Variants in LRRC74A observed in about 807,000 individuals in gnomAD.
LRRC74A encodes the protein leucine rich repeat containing 74A, also known as leucine-rich repeat-containing protein 74A.
In LRRC74A, 44 loss-of-function variants were observed where a neutral mutation model predicts 57.9. The observed-to-expected ratio is 0.76, with a 90% CI of 0.60 to 0.98. The LOEUF (loss-of-function observed/expected upper bound fraction) is 0.98. LRRC74A is among the 50% of genes least tolerant of loss of function. The probability of loss-of-function intolerance (pLI) is 0.00; values close to 1 mark genes in which losing one functional copy is unlikely to be tolerated. For missense variants in LRRC74A, 572 were observed against 574.0 expected (o/e 1.00, Z 0.04); for synonymous variants, 211 against 219.4 (o/e 0.96, Z 0.34).
At chr14:76,860,585 G>C in intron 10 of LRRC74A, 108 bp from the exon 11 acceptor site, 1 of 1,156,650 alleles carries the variant, frequency 8.6e-7, no homozygotes, top group Non-Finnish European at 1.2e-6. Context: ...AACTGGAAGA[G>C]ACAAAACTTC....
chr14:76,838,676 A>G (rs759176761), intron 5 of LRRC74A, among the ~76,000 whole-genome samples: 3 of 152,248 alleles, frequency 2.0e-5, no homozygotes, highest in Admixed American at 6.5e-5. Flanking sequence ...AAAAGAATCC[A>G]CACTTGATTA....
At chr14:76,867,222 G>T in intron 12 of LRRC74A, 134 bp from the exon 13 acceptor site, 3 of 394,218 alleles carry the variant, frequency 7.6e-6, no homozygotes, top group South Asian at 4.0e-5. Flanking sequence ...GTGTGTGTGT[G>T]TGGTAGTGTG....
intron 11 of LRRC74A, 94 bp downstream of exon 11, chr14:76,860,933 A>C: frequency 8.2e-7 from 1 of 1,213,306 alleles, no homozygotes. Flanking sequence ...CCCTCCCCAC[A>C]GTGTCTGTAC....
intron 3 of LRRC74A, 68 bp downstream of exon 3, chr14:76,831,443 G>A: frequency 1.3e-6 from 2 of 1,537,976 alleles, no homozygotes; most frequent in Non-Finnish European, 1.8e-6. Flanking sequence ...GTAGGCCCAA[G>A]ATTCAGAGGG....
intron 3 of LRRC74A, among the ~76,000 whole-genome samples, chr14:76,834,588 T>G (rs1309568071): frequency 1.3e-5 from 2 of 152,176 alleles, no homozygotes; most frequent in African/African-American, 4.8e-5. Flanking sequence ...TACCCTTGCA[T>G]GTGGGGGCAG....
At chr14:76,828,490 G>A in intron 2 of LRRC74A, 71 bp downstream of exon 2, 1 of 1,602,668 alleles carries the variant, frequency 6.2e-7, no homozygotes, top group Non-Finnish European at 8.5e-7. Context: ...GTTTCCAGGA[G>A]CTGTCATCTC....
intron 5 of LRRC74A, among the ~76,000 whole-genome samples, chr14:76,838,601 A>G (rs929472863): frequency 2.0e-5 from 3 of 152,234 alleles, no homozygotes; most frequent in Non-Finnish European, 2.9e-5. Flanking sequence ...AACAGCTAAC[A>G]TGTTCCCTGA....
chr14:76,852,605 A>G (rs954426515), intron 8 of LRRC74A, among the ~76,000 whole-genome samples, 155 bp downstream of exon 8: 43 of 146,558 alleles, frequency 2.9e-4, no homozygotes, highest in Non-Finnish European at 5.6e-4. Flanking sequence ...TCCCTCCCAC[A>G]ATTCCTGGAT....
In LRRC74A at chr14:76,860,724, C is replaced by T. The variant is rs1223758416; in HGVS notation, c.1085C>T (p.Thr362Met). ...CTGGTGTCCGAGCAGTTCATGAAAA[C>T]GTTGGACGGAGTGTATGCCGTTCAC... ...NVLVSEQFMK[T>M]LDGVYAVHPQ... The change falls in exon 11 of 14, where the codon ACG becomes ATG. Residue 362 changes from threonine (T) to methionine (M), a missense_variant. Coordinates refer to ENST00000689127, the MANE Select transcript of LRRC74A (RefSeq NM_001385106.1). 3.1e-6 allele frequency: 5 copies of T among 1,611,728 alleles called. No individual in the cohort carries two copies. Among genetic ancestry groups the T allele is most frequent in the South Asian group, 1.1e-5 (1 of 90,774 alleles).
At chr14:76,861,585 C>A (rs1391412832) in intron 11 of LRRC74A, among the ~76,000 whole-genome samples, 1 of 152,194 alleles carries the variant, frequency 6.6e-6, no homozygotes, top group African/African-American at 2.4e-5. Context: ...TGATAACTTG[C>A]CCCCAACTCA....
At chr14:76,828,516 C>A in intron 2 of LRRC74A, 97 bp downstream of exon 2, 1 of 1,571,300 alleles carries the variant, frequency 6.4e-7, no homozygotes, top group Non-Finnish European at 8.7e-7. Flanking sequence ...TTTCCAGAGT[C>A]TGCCCTGCGG....
chr14:76,836,900 G>A (rs1480232590), intron 4 of LRRC74A, among the ~76,000 whole-genome samples: 1 of 151,740 alleles, frequency 6.6e-6, no homozygotes, highest in Non-Finnish European at 1.5e-5. Flanking sequence ...CGACACTTTG[G>A]GAAGGCAAAG....
chr14:76,827,095 T>C (rs1331236249), intron 1 of LRRC74A, among the ~76,000 whole-genome samples: 1 of 152,194 alleles, frequency 6.6e-6, no homozygotes, highest in Non-Finnish European at 1.5e-5. Flanking sequence ...GGAGAATCAA[T>C]TGTTAAAATT....
chr14:76,857,360 T>G lies in LRRC74A; in HGVS notation c.958-20T>G, dbSNP rs1329950167. ...CTCCTCCCATCTCAGCCTCCTCTTGTCTTGATTCTCCCTCTATAGCTTTTC... is the reference window on the plus strand; with the variant it reads ...CTCCTCCCATCTCAGCCTCCTCTTGGCTTGATTCTCCCTCTATAGCTTTTC... On this transcript the variant is annotated intron_variant, in intron 9 of 13. Coordinates refer to ENST00000689127, the MANE Select transcript of LRRC74A (RefSeq NM_001385106.1). 1.3e-6 allele frequency: 2 copies of G among 1,519,332 alleles called. No homozygotes were observed. Among genetic ancestry groups the G allele is most frequent in the African/African-American group, 1.4e-5 (1 of 72,878 alleles). The allele number at this position is 1,519,332 out of a possible 1,614,324, so 94.1% of individuals were successfully genotyped here. A position where few individuals can be genotyped will look rare whatever the true frequency, so the allele number is the denominator to read the frequency against.
At chr14:76,864,863 A>G (rs546062198) in intron 11 of LRRC74A, among the ~76,000 whole-genome samples, 92 of 152,344 alleles carry the variant, frequency 6.0e-4, no homozygotes, top group Non-Finnish European at 1.2e-3. Flanking sequence ...CAAAATAAAA[A>G]AAAAGAGAGG....
intron 2 of LRRC74A, chr14:76,828,677 A>G: frequency 1.7e-6 from 1 of 604,740 alleles, no homozygotes; most frequent in Non-Finnish European, 3.1e-6. Flanking sequence ...AAGCGGAATC[A>G]ATACACAAAC....
intron 7 of LRRC74A, among the ~76,000 whole-genome samples, chr14:76,848,068 G>A (rs1897220113): frequency 6.7e-6 from 1 of 150,162 alleles, no homozygotes; most frequent in African/African-American, 2.5e-5. Context: ...AGCTGCTAGA[G>A]AGACTGAGGC....
In LRRC74A at chr14:76,870,194, G is replaced by T. The variant is rs749296490; in HGVS notation, c.*45G>T. 6.3e-7 allele frequency: 1 copy of T among 1,591,820 alleles called. No individual in the cohort carries two copies. The highest frequency in any genetic ancestry group is 8.6e-7 in the Non-Finnish European group (1 of 1,167,774). On this transcript the variant is annotated 3_prime_UTR_variant, in exon 14 of 14. Transcript: ENST00000689127. ...AGAAGTCTCGGCGAGAGGAGTCCTC[G>T]CAAGTCGGATGGTGGCAGGGAGGAG...
At chr14:76,854,013 C>T (rs2140297726) in intron 9 of LRRC74A, among the ~76,000 whole-genome samples, 1 of 152,276 alleles carries the variant, frequency 6.6e-6, no homozygotes, top group South Asian at 2.1e-4. Flanking sequence ...TGCATGGCTT[C>T]CTGTTGCTCA....
Sources: allele counts gnomAD v4.1 joint callset (sites outside exome capture counted in the v4.1 genomes callset), GRCh38; gene constraint gnomAD v4.1.1; transcripts MANE v1.5; gene names NCBI Gene and HGNC (gene_info 2026-07-23, HGNC 2026-07-21).